CTCFL: variants seen among roughly 807,000 people sequenced by gnomAD.
The protein encoded by CTCFL is CCCTC-binding factor like.
Under a neutral mutation model 67.4 loss-of-function variants are expected in CTCFL, and 36 were observed. That is an observed-to-expected ratio of 0.53 (90% CI 0.41 to 0.71). The LOEUF (loss-of-function observed/expected upper bound fraction) is 0.71. Ranked by LOEUF, CTCFL falls within the 30% of genes least tolerant of loss-of-function variation. CTCFL has a pLI of 0.00. For missense variants in CTCFL, 786 were observed against 835.2 expected (o/e 0.94, Z 0.73); for synonymous variants, 324 against 302.3 (o/e 1.07, Z -0.75).
Position 57,524,138 on chromosome 20 carries a change from G to A in CTCFL, c.68C>T (p.Pro23Leu), listed in dbSNP as rs1216124783. 1 of 1,613,296 alleles carries A rather than the reference G, an allele frequency of 6.2e-7. No individual in the cohort carries two copies. Among genetic ancestry groups the A allele is most frequent in the Admixed American group, 1.7e-5 (1 of 59,990 alleles). ...TTCCTCCTCCTTCAGGCCTTTTTCCGGCATCAACTCGAGTTCTTTGATCTT... is the reference window on the plus strand; with the variant it reads ...TTCCTCCTCCTTCAGGCCTTTTTCCAGCATCAACTCGAGTTCTTTGATCTT... Reference protein sequence around the residue: ...FTKIKELELMPEKGLKEEEKD... With the variant: ...FTKIKELELMLEKGLKEEEKD... The change falls in exon 2 of 11, where the codon CCG (proline) becomes CTG (leucine). Residue 23 changes from proline (P) to leucine (L), a missense_variant. Around this residue, in one of 3 missense-constraint regions of CTCFL, gnomAD observed 333 missense variants for 304.6 expected, o/e 1.09. Coordinates refer to ENST00000243914, the MANE Select transcript of CTCFL (RefSeq NM_001386993.1).
At chr20:57,514,250 C>T (rs551364788) in intron 7 of CTCFL, among the ~76,000 whole-genome samples, 2 of 152,176 alleles carry the variant, frequency 1.3e-5, no homozygotes, top group Non-Finnish European at 2.9e-5. Flanking sequence ...ACCCTTGGTT[C>T]GTATGACTCC....
At chr20:57,507,194 CTTTT>C (rs113180346) in intron 9 of CTCFL, 19 of 212,910 alleles carry the variant, frequency 8.9e-5, no homozygotes, top group South Asian at 1.4e-4. Context: ...GAATGTGCCA[CTTTT>C]TTTTTTTTTT....
chr20:57,505,162 C>A (rs1416045008), intron 9 of CTCFL, among the ~76,000 whole-genome samples: 1 of 151,690 alleles, frequency 6.6e-6, no homozygotes. Context: ...TTAAAGGTGA[C>A]CCTTTCTGTT....
chr20:57,500,954 G>C (rs1043347690), intron 10 of CTCFL, among the ~76,000 whole-genome samples: 2 of 152,234 alleles, frequency 1.3e-5, no homozygotes, highest in African/African-American at 2.4e-5. Flanking sequence ...GGGAAGTCAC[G>C]TTTCTCCAGG....
intron 2 of CTCFL, 85 bp downstream of exon 2, chr20:57,523,577 AC>A: frequency 6.6e-7 from 1 of 1,515,584 alleles, no homozygotes; most frequent in Non-Finnish European, 8.8e-7. Context: ...ACTGCAAAAT[AC>A]CTTGTCCAGA....
At chr20:57,498,803 C>G (rs1272082318) in intron 10 of CTCFL, 102 bp from the exon 11 acceptor site, 1 of 1,010,442 alleles carries the variant, frequency 9.9e-7, no homozygotes, top group Non-Finnish European at 1.5e-6. Flanking sequence ...TAAATTTGAA[C>G]ACGGCAGCAA....
intron 10 of CTCFL, among the ~76,000 whole-genome samples, chr20:57,499,103 T>C (rs886972730): frequency 2.8e-5 from 4 of 141,812 alleles, no homozygotes; most frequent in African/African-American, 1.0e-4. Context: ...GACACAGTCA[T>C]TCCCAGCTGG....
intron 5 of CTCFL, among the ~76,000 whole-genome samples, chr20:57,517,148 C>G (rs928022319): frequency 4.0e-5 from 6 of 151,858 alleles, no homozygotes; most frequent in Non-Finnish European, 7.4e-5. Flanking sequence ...GAAAGCAAAA[C>G]AAAAAGAATT....
At chr20:57,504,332 T>C (rs1170636948) in intron 9 of CTCFL, among the ~76,000 whole-genome samples, 1 of 148,104 alleles carries the variant, frequency 6.8e-6, no homozygotes, top group Non-Finnish European at 1.5e-5. Context: ...CAGGCTGGAG[T>C]GCAGTGGCAT....
intron 5 of CTCFL, chr20:57,518,351 A>G (rs1739438971): frequency 2.7e-6 from 1 of 368,558 alleles, no homozygotes; most frequent in Non-Finnish European, 4.7e-6. Context: ...TAAATCTTCG[A>G]GCAAGCTGCT....
rs986169986 is a variant in CTCFL at position 57,518,854 on chromosome 20, T to C, written c.963A>G (p.Ala321=). The C allele has an allele frequency of 1.2e-6, 2 of 1,613,978 alleles. No homozygotes were observed. The highest frequency in any genetic ancestry group is 2.7e-5 in the African/African-American group (2 of 74,924). ...RPYKCNDCNM[A]FVTSGELVRH... is the part of the protein sequence containing the mutation. ...GGACGAGTTCTCCACTGGTGACAAA[T>C]GCCATGTTGCAGTCGTTACACTTGT... is the stretch of plus-strand genomic sequence containing the variant. The change falls in exon 5 of 11, where the codon GCA becomes GCG. Residue 321 remains alanine, a synonymous_variant. Transcript: ENST00000243914.
At chr20:57,496,131 C>T (rs114181950), downstream of CTCFL, 2,400 of 404,584 alleles carry the variant, frequency 5.9e-3, 55 homozygotes, top group African/African-American at 0.045. Context: ...ATCACGGGGG[C>T]GGTTTCTTAG....
In CTCFL at chr20:57,497,360, AT is replaced by A; in HGVS notation, c.*1189del. On this transcript the variant is annotated 3_prime_UTR_variant, in exon 11 of 11. Coordinates refer to ENST00000243914, the MANE Select transcript of CTCFL (RefSeq NM_001386993.1). ...AATATAATGCTCTTCCTGCTGGGAA[AT>A]TATTTCCACATATTCACATTGTATA... The A allele has an allele frequency of 1.0e-6, 1 of 985,342 alleles. No homozygotes were observed. The highest frequency in any genetic ancestry group is 1.2e-6 in the Non-Finnish European group (1 of 829,844). 61.0% of individuals were successfully genotyped at this position (985,342 alleles called of 1,614,324 possible).
upstream of CTCFL, chr20:57,525,401 A>G (rs1283330028): frequency 8.8e-6 from 1 of 113,794 alleles, no homozygotes; most frequent in African/African-American, 3.7e-5. Flanking sequence ...GAGAGCCTGC[A>G]GGGCACTGGA....
In CTCFL at chr20:57,515,836, TAATA is replaced by T. The variant is rs769883397; in HGVS notation, c.1060-6_1060-3del. 1.2e-6 allele frequency: 2 copies of T among 1,606,950 alleles called. No individual in the cohort carries two copies. The highest frequency in any genetic ancestry group is 1.7e-6 in the Non-Finnish European group (2 of 1,177,226). On this transcript the variant is annotated splice_region_variant and splice_polypyrimidine_tract_variant and intron_variant, in intron 5 of 10. Coordinates refer to ENST00000243914, the MANE Select transcript of CTCFL (RefSeq NM_001386993.1). ...GACATGGCGCTTCAATTTACTTGCC[TAATA>T]AATACATAAATGATGTTCGTTGCAA... is the stretch of plus-strand genomic sequence containing the variant.
At chr20:57,504,318 C>T (rs1482388493) in intron 9 of CTCFL, among the ~76,000 whole-genome samples, 1 of 149,446 alleles carries the variant, frequency 6.7e-6, no homozygotes, top group Non-Finnish European at 1.5e-5. Flanking sequence ...CTCGCTCTGT[C>T]ACCCAGGCTG....
rs761924648 is a variant in CTCFL, at chr20:57,523,686, C to T, written c.520G>A (p.Ala174Thr). 4 of 1,613,452 alleles carry T rather than the reference C, an allele frequency of 2.5e-6. No individual in the cohort carries two copies. The highest frequency in any genetic ancestry group is 3.4e-6 in the Non-Finnish European group (4 of 1,179,916). ...ACCTTGATCAGTCCAGTAGTTTCAG[C>T]CAGGCTCACCGCTAACTTACTGTCT... ...SEDSKLAVSLAETTGLIKLEE... is the reference protein window; with the variant it reads ...SEDSKLAVSLTETTGLIKLEE... Residue 174 changes from alanine (A) to threonine (T), a missense_variant, in exon 2 of 11, where the codon GCT becomes ACT. Around this residue, in one of 3 missense-constraint regions of CTCFL, gnomAD observed 333 missense variants for 304.6 expected, o/e 1.09. Transcript: ENST00000243914.
chr20:57,502,347 T>C (rs1372764996), intron 10 of CTCFL, among the ~76,000 whole-genome samples: 1 of 152,222 alleles, frequency 6.6e-6, no homozygotes, highest in Non-Finnish European at 1.5e-5. Context: ...AGATACATGA[T>C]GAACATTTTT....
At chr20:57,521,809 A>C (rs1375044736) in intron 3 of CTCFL, among the ~76,000 whole-genome samples, 1 of 152,244 alleles carries the variant, frequency 6.6e-6, no homozygotes, top group East Asian at 1.9e-4. Context: ...TAAGCTCAAG[A>C]ATCTAGACAC....
Sources: allele counts gnomAD v4.1 joint callset (sites outside exome capture counted in the v4.1 genomes callset), GRCh38; gene constraint gnomAD v4.1.1; regional missense constraint gnomAD v4.1.1; transcripts MANE v1.5; gene names NCBI Gene and HGNC (gene_info 2026-07-23, HGNC 2026-07-21).